Variants in DPP3 observed in about 807,000 individuals in gnomAD.
The protein encoded by DPP3 is DPP III.
A neutral mutation model predicts 89.8 loss-of-function variants in DPP3; 64 were observed. The observed-to-expected ratio is 0.71, with a 90% CI of 0.58 to 0.88. DPP3 has a LOEUF of 0.88. Ranked by LOEUF, DPP3 falls within the 40% of genes least tolerant of loss-of-function variation. The pLI is 0.00. For synonymous variants in DPP3, 377 were observed against 404.3 expected (o/e 0.93, Z 0.81); for missense variants, 835 against 972.5 (o/e 0.86, Z 1.88).
At chr11:66,485,094 A>G in intron 2 of DPP3, 79 bp from the exon 3 acceptor site, 1 of 1,362,116 alleles carries the variant, frequency 7.3e-7, no homozygotes, top group Non-Finnish European at 1.0e-6. Flanking sequence ...CTGCTGGGGC[A>G]TTCGCATCTC....
chr11:66,486,644 G>T lies in DPP3; in HGVS notation c.465G>T (p.Glu155Asp), dbSNP rs1327130840. 8 of 1,573,328 alleles carry T rather than the reference G, an allele frequency of 5.1e-6. No homozygotes were observed. The highest frequency in any genetic ancestry group is 6.9e-6 in the Non-Finnish European group (8 of 1,158,840). ...GCGGGGAGCTTATGTTCTCTCTGGA[G>T]CCAAGGCTTCGACACCTCGGACTGG... ...QTCGELMFSL[E>D]PRLRHLGLGK... Residue 155 changes from glutamate (E) to aspartate (D), a missense_variant, in exon 4 of 18, where the codon GAG becomes GAT. Physicochemically the swap from Glu to Asp is conservative, Grantham distance 45 (BLOSUM62 2). Coordinates refer to ENST00000531863, the MANE Select transcript of DPP3 (RefSeq NM_130443.4).
intron 3 of DPP3, among the ~76,000 whole-genome samples, chr11:66,485,550 T>C (rs535696487): frequency 6.6e-6 from 1 of 152,190 alleles, no homozygotes; most frequent in African/African-American, 2.4e-5. Flanking sequence ...AAATGGAGCT[T>C]GTTGGTCATC....
intron 17 of DPP3, among the ~76,000 whole-genome samples, chr11:66,506,141 G>A (rs1051785255): frequency 1.3e-5 from 2 of 151,994 alleles, no homozygotes; most frequent in African/African-American, 2.4e-5. Context: ...TAGTAGAGAC[G>A]GGGTTTTACT....
chr11:66,493,207 G>T, intron 11 of DPP3, 28 bp downstream of exon 11: 1 of 1,592,208 alleles, frequency 6.3e-7, no homozygotes, highest in Non-Finnish European at 8.6e-7. Context: ...GAGGGTCGGG[G>T]CTGGGCCTCA....
intron 9 of DPP3, 116 bp downstream of exon 9, chr11:66,491,872 G>A: frequency 8.8e-7 from 1 of 1,134,348 alleles, no homozygotes; most frequent in South Asian, 1.3e-5. Context: ...ATAACAGTAA[G>A]AACAGCCATG....
chr11:66,488,019 C>T lies in DPP3; in HGVS notation c.667+12C>T, dbSNP rs201066366. On this transcript the variant is annotated intron_variant, in intron 6 of 17. Transcript: ENST00000531863. ...TGTGCTTGGCTCAGGTGAGCTTAGCCCCAGGCTTCCCTTCTGCTCCCTCCT... is the reference window on the plus strand; with the variant it reads ...TGTGCTTGGCTCAGGTGAGCTTAGCTCCAGGCTTCCCTTCTGCTCCCTCCT... 69 of 1,612,446 alleles carry T rather than the reference C, an allele frequency of 4.3e-5. No individual in the cohort carries two copies. The highest frequency in any genetic ancestry group is 1.7e-4 in the Admixed American group (10 of 59,820).
In DPP3 at chr11:66,496,399, A is replaced by G. The variant is rs1417267537; in HGVS notation, c.1698+649A>G. 2.3e-4 allele frequency among the ~76,000 whole-genome samples: 34 copies of G among 146,298 alleles called. No homozygotes were observed. The East Asian group carries it at 5.9e-3, about 25-fold the overall frequency. On this transcript the variant is annotated intron_variant, in intron 15 of 17. Coordinates refer to ENST00000531863, the MANE Select transcript of DPP3 (RefSeq NM_130443.4). The stretch of plus-strand genomic sequence containing the variant: ...GCTGGGACTATAGGCGCACCACCAC[A>G]CCCGGCTAATTTTTTGTATTTTTTT...
chr11:66,486,333 GCCTC>G (rs759732332), intron 3 of DPP3, among the ~76,000 whole-genome samples: 6 of 152,070 alleles, frequency 3.9e-5, no homozygotes, highest in Non-Finnish European at 5.9e-5. Context: ...TCCCTCCTCT[GCCTC>G]CCAAAGTGCT....
chr11:66,507,530 A>C (rs902425420), intron 17 of DPP3, among the ~76,000 whole-genome samples: 1 of 152,068 alleles, frequency 6.6e-6, no homozygotes, highest in Non-Finnish European at 1.5e-5. Context: ...ATGAGTGGCC[A>C]AAACATATAA....
chr11:66,494,319 G>A (rs1176365194), intron 12 of DPP3, among the ~76,000 whole-genome samples: 1 of 152,204 alleles, frequency 6.6e-6, no homozygotes, highest in Non-Finnish European at 1.5e-5. Context: ...GCGGGGTTCT[G>A]GGTGGGTCCT....
chr11:66,492,273 G>C (rs545250662), intron 9 of DPP3, among the ~76,000 whole-genome samples: 5 of 152,144 alleles, frequency 3.3e-5, no homozygotes, highest in African/African-American at 1.2e-4. Context: ...CTGGTGGCAG[G>C]CTGCCGCGGC....
At position 66,487,950 on chromosome 11, in the gene DPP3, G is replaced by T. The variant is rs1855278220; in HGVS notation, c.610G>T (p.Val204Phe). 1 of 1,613,980 alleles carries T rather than the reference G, an allele frequency of 6.2e-7. No individual in the cohort carries two copies. The highest frequency in any genetic ancestry group is 1.3e-5 in the African/African-American group (1 of 74,916). Residue 204 changes from valine to phenylalanine, a missense_variant, in exon 6 of 18, where the codon GTC becomes TTC. By Grantham distance (50) the Val-to-Phe change is conservative. Transcript: ENST00000531863. ...CTACAACACCCGGCTCTTCAAAGAG[G>T]TCGATGGAGAAGGGAAGCCCTACTA... is the stretch of plus-strand genomic sequence containing the variant. ...SAYNTRLFKEVDGEGKPYYEV... is the reference protein window; with the variant it reads ...SAYNTRLFKEFDGEGKPYYEV...
At position 66,509,515 on chromosome 11, in the gene DPP3, G is replaced by A; in HGVS notation, c.*264G>A. Reference sequence around the variant, plus strand: ...GCTTACCATCCTGTCTACCAGATGAGGAAATGGCAGTTCTGAGAAGTCACT... The same window carrying A: ...GCTTACCATCCTGTCTACCAGATGAAGAAATGGCAGTTCTGAGAAGTCACT... On this transcript the variant is annotated 3_prime_UTR_variant, in exon 18 of 18. Transcript: ENST00000531863. 4 of 1,161,912 alleles carry A rather than the reference G, an allele frequency of 3.4e-6. No individual in the cohort carries two copies. Among genetic ancestry groups the A allele is most frequent in the Non-Finnish European group, 5.0e-6 (4 of 806,384 alleles). The allele number at this position is 1,161,912 out of a possible 1,614,324, so 72.0% of individuals were successfully genotyped here.
chr11:66,483,079 G>A (rs1382740832), intron 2 of DPP3: 3 of 150,682 alleles, frequency 2.0e-5, no homozygotes, highest in African/African-American at 7.4e-5. Flanking sequence ...AGGCTGGAGT[G>A]CAGTGGCGTA....
chr11:66,502,770 T>C (rs1855711863), intron 16 of DPP3, among the ~76,000 whole-genome samples: 1 of 151,436 alleles, frequency 6.6e-6, no homozygotes, highest in Non-Finnish European at 1.5e-5. Context: ...AACCAAATTT[T>C]TTGTATTTTT....
At chr11:66,493,200 G>T in intron 11 of DPP3, 21 bp downstream of exon 11, 1 of 1,603,590 alleles carries the variant, frequency 6.2e-7, no homozygotes, top group Non-Finnish European at 8.5e-7. Flanking sequence ...GCAGTCGGAG[G>T]GTCGGGGCTG....
chr11:66,483,226 C>T (rs1379732248), intron 2 of DPP3: 1 of 152,126 alleles, frequency 6.6e-6, no homozygotes, highest in Admixed American at 6.5e-5. Flanking sequence ...GGGTTTTCAC[C>T]ATGTTGCCCA....
chr11:66,501,356 C>T (rs931427558), intron 16 of DPP3, among the ~76,000 whole-genome samples: 2 of 149,534 alleles, frequency 1.3e-5, no homozygotes, highest in Non-Finnish European at 3.0e-5. Flanking sequence ...GTGAAAATTA[C>T]GTCTCAAAAA....
chr11:66,483,994 T>TGG (rs1192892176), intron 2 of DPP3, among the ~76,000 whole-genome samples: 1 of 149,606 alleles, frequency 6.7e-6, no homozygotes, highest in Non-Finnish European at 1.5e-5. Flanking sequence ...TTTTTTTTTG[T>TGG]GGGGGACGGA....
Sources: allele counts gnomAD v4.1 joint callset (sites outside exome capture counted in the v4.1 genomes callset), GRCh38; gene constraint gnomAD v4.1.1; transcripts MANE v1.5; gene names NCBI Gene and HGNC (gene_info 2026-07-23, HGNC 2026-07-21).